CRPPA: variants seen among roughly 807,000 people sequenced by gnomAD.
CRPPA encodes D-ribitol-5-phosphate cytidylyltransferase.
In CRPPA, 43 loss-of-function variants were observed where a neutral mutation model predicts 52.0. That is an observed-to-expected ratio of 0.83 (90% CI 0.65 to 1.07). The LOEUF is 1.07. Among genes scored for constraint, CRPPA ranks in the 50% least tolerant of loss-of-function variants. The pLI is 0.00. For missense variants in CRPPA, 629 were observed against 551.7 expected, an observed-to-expected ratio of 1.14 and a Z score of -1.40; for synonymous variants, 250 against 203.5, an observed-to-expected ratio of 1.23 and a Z score of -1.94.
At chr7:16,338,265 T>C (rs1033120284) in intron 3 of CRPPA, among the ~76,000 whole-genome samples, 2 of 152,292 alleles carry the variant, frequency 1.3e-5, no homozygotes, top group Non-Finnish European at 2.9e-5. Context: ...CGTAATATAC[T>C]ACATTAACAA....
chr7:16,196,549 G>A (rs1583421774), intron 9 of CRPPA, among the ~76,000 whole-genome samples: 2 of 152,276 alleles, frequency 1.3e-5, no homozygotes, highest in African/African-American at 4.8e-5. Flanking sequence ...TAACAAAAGT[G>A]CATTCAAGAG....
At chr7:16,236,942 G>A (rs749368697) in intron 8 of CRPPA, among the ~76,000 whole-genome samples, 1 of 111,948 alleles carries the variant, frequency 8.9e-6, no homozygotes, top group Admixed American at 1.0e-4. Context: ...AAGAGCTTTC[G>A]TGCGCGCGCA....
chr7:16,366,853 T>C (rs551649644), intron 3 of CRPPA, among the ~76,000 whole-genome samples: 54 of 150,622 alleles, frequency 3.6e-4, no homozygotes, highest in Non-Finnish European at 4.9e-4. Context: ...CGTGAAGAGA[T>C]AAACACTTTC....
At chr7:16,092,396 C>T (rs948324588) in intron 9 of CRPPA, among the ~76,000 whole-genome samples, 3 of 152,128 alleles carry the variant, frequency 2.0e-5, no homozygotes, top group Non-Finnish European at 4.4e-5. Flanking sequence ...TCTTTCAGGT[C>T]TCTGTGTTGT....
chr7:16,212,061 T>A (rs1046704838), intron 9 of CRPPA, among the ~76,000 whole-genome samples: 2 of 151,910 alleles, frequency 1.3e-5, no homozygotes, highest in African/African-American at 4.8e-5. Context: ...AATTTTTTTT[T>A]AAAAAAACAA....
chr7:16,154,762 A>T (rs1783140862), intron 9 of CRPPA, among the ~76,000 whole-genome samples: 1 of 150,720 alleles, frequency 6.6e-6, no homozygotes, highest in Non-Finnish European at 1.5e-5. Flanking sequence ...TTTACAGGTG[A>T]TTCAATCTTC....
At chr7:16,273,776 G>A (rs1243368615) in intron 6 of CRPPA, among the ~76,000 whole-genome samples, 3 of 152,114 alleles carry the variant, frequency 2.0e-5, no homozygotes, top group Non-Finnish European at 4.4e-5. Context: ...TGTAACACAC[G>A]TCCTCTGGGG....
At chr7:16,372,726 G>A (rs1019925670) in intron 3 of CRPPA, among the ~76,000 whole-genome samples, 3 of 152,134 alleles carry the variant, frequency 2.0e-5, no homozygotes, top group Non-Finnish European at 2.9e-5. Flanking sequence ...CCTATATGCT[G>A]TATTAAAAGA....
intron 1 of CRPPA, among the ~76,000 whole-genome samples, chr7:16,417,497 A>G (rs1042984607): frequency 1.3e-5 from 2 of 152,216 alleles, no homozygotes; most frequent in African/African-American, 4.8e-5. Flanking sequence ...CAGCAACATG[A>G]TTGCAGCTGG....
Position 16,377,297 on chromosome 7 carries a change from G to C in CRPPA, c.535-1056C>G, listed in dbSNP as rs565275357. ...GACACAGGGTGACAAAGAGGAAGTA[G>C]TATCCAAATAGGTGAAGGGTAGGTC... On this transcript the variant is annotated intron_variant, in intron 2 of 9. Coordinates refer to ENST00000407010, the MANE Select transcript of CRPPA (RefSeq NM_001101426.4). Among the ~76,000 whole-genome samples, 15 of 152,270 alleles carry C rather than the reference G, an allele frequency of 9.9e-5. No homozygotes were observed. In the East Asian group the frequency reaches 2.5e-3, roughly 26 times the overall value.
Position 16,307,902 on chromosome 7 carries a change from C to A in CRPPA, c.789+621G>T, listed in dbSNP as rs961229524. 1.0e-4 allele frequency among the ~76,000 whole-genome samples: 11 copies of A among 106,864 alleles called. No individual in the cohort carries two copies. The South Asian group carries it at 2.9e-3, about 28-fold the overall frequency. The allele number at this position is 106,864 out of a possible 152,430, so 70.1% of individuals were successfully genotyped here. On this transcript the variant is annotated intron_variant, in intron 4 of 9. Transcript: ENST00000407010. Reference sequence around the variant, plus strand: ...CTGCAGGCAAAGTTGTAGCTTTAATCAAACTGAGTGAAGAAAAAAAAAAAA... The same window carrying A: ...CTGCAGGCAAAGTTGTAGCTTTAATAAAACTGAGTGAAGAAAAAAAAAAAA...
At chr7:16,202,241 A>T (rs1781876652) in intron 9 of CRPPA, among the ~76,000 whole-genome samples, 1 of 152,180 alleles carries the variant, frequency 6.6e-6, no homozygotes, top group Non-Finnish European at 1.5e-5. Flanking sequence ...GTAATTTATT[A>T]ACTTTTACCG....
chr7:16,413,593 T>C (rs1441817507), intron 1 of CRPPA, among the ~76,000 whole-genome samples: 1 of 152,256 alleles, frequency 6.6e-6, no homozygotes, highest in Non-Finnish European at 1.5e-5. Context: ...ATTCAAGTGA[T>C]CAACCTTGTT....
intron 1 of CRPPA, among the ~76,000 whole-genome samples, chr7:16,410,993 T>G (rs2128319270): frequency 6.6e-6 from 1 of 152,300 alleles, no homozygotes; most frequent in South Asian, 2.1e-4. Flanking sequence ...CTGCACTGTT[T>G]ATAACTTTAT....
At chr7:16,302,699 T>A (rs1216307407) in intron 4 of CRPPA, among the ~76,000 whole-genome samples, 1 of 152,034 alleles carries the variant, frequency 6.6e-6, no homozygotes, top group East Asian at 1.9e-4. Context: ...ACTAGGTGAG[T>A]GCCAGGTGTT....
At chr7:16,331,398 G>A (rs1785550368) in intron 3 of CRPPA, among the ~76,000 whole-genome samples, 1 of 152,054 alleles carries the variant, frequency 6.6e-6, no homozygotes, top group South Asian at 2.1e-4. Flanking sequence ...ACATTACTAA[G>A]GGTATATTTA....
chr7:16,256,952 A>G lies in CRPPA; in HGVS notation c.1119+1438T>C, dbSNP rs1331483738. ...GGAAATACATGGCTGAAGCTTAGGAATCAGATTAGAGCTGTGGAAGTTAAT... is the reference window on the plus strand; with the variant it reads ...GGAAATACATGGCTGAAGCTTAGGAGTCAGATTAGAGCTGTGGAAGTTAAT... On this transcript the variant is annotated intron_variant, in intron 8 of 9. Coordinates refer to ENST00000407010, the MANE Select transcript of CRPPA (RefSeq NM_001101426.4). Among the ~76,000 whole-genome samples, 6 of 152,098 alleles carry G rather than the reference A, an allele frequency of 3.9e-5. No homozygotes were observed. The East Asian group carries it at 1.2e-3, about 29-fold the overall frequency.
chr7:16,337,125 G>A (rs923508906), intron 3 of CRPPA, among the ~76,000 whole-genome samples: 1 of 151,934 alleles, frequency 6.6e-6, no homozygotes, highest in Non-Finnish European at 1.5e-5. Flanking sequence ...AGATCAAATG[G>A]ACATAATGGA....
chr7:16,217,413 C>A (rs1343922753), intron 8 of CRPPA, among the ~76,000 whole-genome samples: 1 of 149,648 alleles, frequency 6.7e-6, no homozygotes, highest in East Asian at 2.0e-4. Context: ...CGCAGTTCCT[C>A]ACCAGCAACG....
Sources: allele counts gnomAD v4.1 joint callset (sites outside exome capture counted in the v4.1 genomes callset), GRCh38; gene constraint gnomAD v4.1.1; transcripts MANE v1.5; gene names NCBI Gene and HGNC (gene_info 2026-07-23, HGNC 2026-07-21).